Variants in MAP3K5 observed in about 807,000 individuals in gnomAD.
MAP3K5 encodes ASK-1.
MAP3K5 carries 56 observed loss-of-function variants against 158.7 expected under a neutral mutation model. The observed-to-expected ratio is 0.35, with a 90% CI of 0.28 to 0.44. The LOEUF (loss-of-function observed/expected upper bound fraction) is 0.44, where lower values mean the gene tolerates loss of function less well. Ranked by LOEUF, MAP3K5 falls within the 20% of genes least tolerant of loss-of-function variation. The probability of loss-of-function intolerance (pLI) is 1.00; values close to 1 mark genes in which losing one functional copy is unlikely to be tolerated. For missense variants in MAP3K5, 1,294 were observed against 1,674.8 expected, an observed-to-expected ratio of 0.77 and a Z score of 3.97; for synonymous variants, 579 against 601.7, an observed-to-expected ratio of 0.96 and a Z score of 0.55.
chr6:136,751,273 C>T lies in MAP3K5; in HGVS notation c.449-30684G>A, dbSNP rs79445942. ...ATTTGGGAATTATGGCAATATCTTT[C>T]TGATGTTTAAATCACAGATTAGTAA... is the stretch of plus-strand genomic sequence containing the variant. On this transcript the variant is annotated intron_variant, in intron 1 of 29. Coordinates refer to ENST00000359015, the MANE Select transcript of MAP3K5 (RefSeq NM_005923.4). Among the ~76,000 whole-genome samples, 777 of 151,816 alleles carry T rather than the reference C, an allele frequency of 5.1e-3. 2 individuals are homozygous for T. Among genetic ancestry groups the T allele is most frequent in the Admixed American group, 7.4e-3 (112 of 15,192 alleles).
At chr6:136,736,057 G>A (rs906292842) in intron 1 of MAP3K5, among the ~76,000 whole-genome samples, 2 of 151,852 alleles carry the variant, frequency 1.3e-5, no homozygotes, top group African/African-American at 4.8e-5. Context: ...ATGAAATCCA[G>A]TTGCATACTA....
intron 26 of MAP3K5, among the ~76,000 whole-genome samples, chr6:136,564,618 C>T (rs1774009983): frequency 6.6e-6 from 1 of 152,192 alleles, no homozygotes; most frequent in Non-Finnish European, 1.5e-5. Context: ...TATCTTCTTA[C>T]TGTTTTCTCA....
At chr6:136,642,620 TAAC>T (rs749494059) in intron 11 of MAP3K5, 51 bp from the exon 12 acceptor site, 15 of 1,204,676 alleles carry the variant, frequency 1.2e-5, no homozygotes, top group Non-Finnish European at 1.6e-5. Flanking sequence ...GAAAATAACA[TAAC>T]AACAATAATT....
At position 136,695,277 on chromosome 6, in the gene MAP3K5, A is replaced by G. The variant is rs189695185; in HGVS notation, c.1082+674T>C. The stretch of plus-strand genomic sequence containing the variant: ...CTCAGCCTCCCGAGTAGCCGGAACT[A>G]CAGGTGCACACTGCCACACCTGGCT... On this transcript the variant is annotated intron_variant, in intron 6 of 29. Transcript: ENST00000359015. Among the ~76,000 whole-genome samples the G allele has an allele frequency of 2.0e-3, 308 of 152,170 alleles. 1 individual carries two copies. The highest frequency in any genetic ancestry group is 0.014 in the Middle Eastern group (4 of 294).
chr6:136,622,027 A>G (rs113447132), intron 15 of MAP3K5, among the ~76,000 whole-genome samples: 115 of 151,114 alleles, frequency 7.6e-4, no homozygotes, highest in African/African-American at 2.7e-3. Flanking sequence ...TGGAGCTTGC[A>G]GTGAGCCGAG....
At chr6:136,738,868 C>A (rs1385080348) in intron 1 of MAP3K5, among the ~76,000 whole-genome samples, 1 of 151,846 alleles carries the variant, frequency 6.6e-6, no homozygotes, top group Non-Finnish European at 1.5e-5. Flanking sequence ...TTCATGAAAT[C>A]CCTACTAAGT....
intron 23 of MAP3K5, among the ~76,000 whole-genome samples, chr6:136,588,806 C>T (rs1005167148): frequency 1.3e-5 from 2 of 152,156 alleles, no homozygotes; most frequent in Admixed American, 6.5e-5. Flanking sequence ...CAGTCTCCAC[C>T]GCCACGAAGC....
In MAP3K5 at chr6:136,792,213, G is replaced by T; in HGVS notation, c.-56C>A. On this transcript the variant is annotated 5_prime_UTR_variant, in exon 1 of 30. Coordinates refer to ENST00000359015, the MANE Select transcript of MAP3K5 (RefSeq NM_005923.4). The surrounding 1 kb of genome is among the most constrained non-coding windows in gnomAD (Gnocchi z 5.7). ...GTCCCCCGCCCAGCCGCACCGCCTG[G>T]CCAGCCACAGCTCGGGGCTGCTCCG... 6.6e-7 allele frequency: 1 copy of T among 1,510,260 alleles called. No homozygotes were observed. 93.6% of individuals were successfully genotyped at this position (1,510,260 alleles called of 1,614,324 possible).
chr6:136,730,721 CAAAAAAAA>C (rs377188561), intron 1 of MAP3K5, among the ~76,000 whole-genome samples: 2 of 87,374 alleles, frequency 2.3e-5, no homozygotes, highest in Non-Finnish European at 2.1e-5. Flanking sequence ...AACTCTGCCT[CAAAAAAAA>C]AAAAAAAAAA....
At chr6:136,744,246 A>T (rs1782836010) in intron 1 of MAP3K5, among the ~76,000 whole-genome samples, 1 of 152,268 alleles carries the variant, frequency 6.6e-6, no homozygotes, top group South Asian at 2.1e-4. Context: ...ACAGCAGAGG[A>T]GGCTGTGTTT....
intron 14 of MAP3K5, among the ~76,000 whole-genome samples, chr6:136,636,654 G>A (rs1031261026): frequency 6.6e-6 from 1 of 152,136 alleles, no homozygotes; most frequent in South Asian, 2.1e-4. Flanking sequence ...AAAAGTAGGT[G>A]TCCAGCAGTC....
chr6:136,720,528 C>T lies in MAP3K5; in HGVS notation c.510G>A (p.Gly170=). The T allele has an allele frequency of 6.2e-7, 1 of 1,613,436 alleles. No homozygotes were observed. The highest frequency in any genetic ancestry group is 8.5e-7 in the Non-Finnish European group (1 of 1,179,628). Residue 170 remains glycine, a synonymous_variant, in exon 2 of 30, where the codon GGG becomes GGA. Transcript: ENST00000359015. ...FRQPSLFYHL[G]VRESFSMANN... is the part of the protein sequence containing the mutation. ...TGGCCATGCTGAAACTTTCTCTCAC[C>T]CCAAGGTGGTAAAACAAGGACGGCT...
intron 13 of MAP3K5, 61 bp from the exon 14 acceptor site, chr6:136,637,467 AC>A: frequency 1.0e-6 from 1 of 1,004,526 alleles, no homozygotes; most frequent in East Asian, 2.4e-5. Flanking sequence ...ATAAGCAAGT[AC>A]ATCTCAAAGT....
At chr6:136,744,016 A>G (rs1782825403) in intron 1 of MAP3K5, among the ~76,000 whole-genome samples, 1 of 152,224 alleles carries the variant, frequency 6.6e-6, no homozygotes, top group African/African-American at 2.4e-5. Context: ...GTGAGGAGGG[A>G]TGAATAGGCA....
intron 7 of MAP3K5, among the ~76,000 whole-genome samples, chr6:136,682,804 G>T (rs1779989806): frequency 6.6e-6 from 1 of 152,054 alleles, no homozygotes; most frequent in Non-Finnish European, 1.5e-5. Flanking sequence ...GTGATTTCAG[G>T]CAAGTACTGC....
At chr6:136,576,446 T>C (rs947911341) in intron 25 of MAP3K5, among the ~76,000 whole-genome samples, 1 of 152,104 alleles carries the variant, frequency 6.6e-6, no homozygotes, top group African/African-American at 2.4e-5. Flanking sequence ...CAAGTAGCTA[T>C]GGGCATGCAC....
At chr6:136,588,964 T>C (rs1775263475) in intron 23 of MAP3K5, among the ~76,000 whole-genome samples, 2 of 152,190 alleles carry the variant, frequency 1.3e-5, no homozygotes, top group African/African-American at 2.4e-5. Context: ...AAACACTCAT[T>C]TCAGCTCTCC....
chr6:136,673,762 CAG>C (rs1285762874), intron 7 of MAP3K5, among the ~76,000 whole-genome samples: 1 of 143,330 alleles, frequency 7.0e-6, no homozygotes, highest in Non-Finnish European at 1.5e-5. Flanking sequence ...GCATAAGAAA[CAG>C]AGGAGACACA....
At chr6:136,601,371 G>A (rs1775869499) in intron 20 of MAP3K5, among the ~76,000 whole-genome samples, 1 of 151,898 alleles carries the variant, frequency 6.6e-6, no homozygotes, top group Middle Eastern at 3.2e-3. Flanking sequence ...TATACCCTAA[G>A]AGGCAACAGG....
Sources: allele counts gnomAD v4.1 joint callset (sites outside exome capture counted in the v4.1 genomes callset), GRCh38; gene constraint gnomAD v4.1.1; non-coding constraint Gnocchi (gnomAD v3.1); transcripts MANE v1.5; gene names NCBI Gene and HGNC (gene_info 2026-07-23, HGNC 2026-07-21).